Variants in GALNTL6 observed in about 807,000 individuals in gnomAD.
GALNTL6 encodes the protein polypeptide N-acetylgalactosaminyltransferase like 6.
A neutral mutation model predicts 73.7 loss-of-function variants in GALNTL6; 46 were observed. The observed-to-expected ratio is 0.62, with a 90% CI of 0.49 to 0.80. The LOEUF (loss-of-function observed/expected upper bound fraction) is 0.80, where lower values mean the gene tolerates loss of function less well. Ranked by LOEUF, GALNTL6 falls within the 30% of genes least tolerant of loss-of-function variation. GALNTL6 has a pLI of 0.00. For synonymous variants in GALNTL6, 259 were observed against 263.7 expected (o/e 0.98, Z 0.17); for missense variants, 604 against 755.0 (o/e 0.80, Z 2.34).
At chr4:172,215,636 T>C (rs866662117) in intron 2 of GALNTL6, among the ~76,000 whole-genome samples, 5 of 152,226 alleles carry the variant, frequency 3.3e-5, no homozygotes, top group South Asian at 2.1e-4. Context: ...GTAAATAAAG[T>C]TTAGTTGAGA....
In GALNTL6 at chr4:172,642,186, T is replaced by TA. The variant is rs541610913; in HGVS notation, c.554-167167dup. On this transcript the variant is annotated intron_variant, in intron 5 of 12. Transcript: ENST00000506823. ...GTATGAAGCTTCCTCAAAAAATTTT[T>TA]AAAAAAAACTATCATATGATCCAGC... 4.6e-3 allele frequency among the ~76,000 whole-genome samples: 704 copies of TA among 151,812 alleles called. 6 individuals carry two copies. Among genetic ancestry groups the TA allele is most frequent in the African/African-American group, 0.016 (653 of 41,440 alleles).
At chr4:171,926,957 C>A (rs1392340376) in intron 2 of GALNTL6, among the ~76,000 whole-genome samples, 4 of 151,692 alleles carry the variant, frequency 2.6e-5, no homozygotes, top group African/African-American at 9.7e-5. Context: ...TAAAGATCTC[C>A]TTTGTTGATG....
chr4:172,068,833 A>G (rs13133832), intron 2 of GALNTL6, among the ~76,000 whole-genome samples: 79,685 of 102,378 alleles, frequency 0.78, 36,395 homozygotes, highest in South Asian at 0.89. Context: ...TGTAGAGCTC[A>G]TTGAAGTCTT....
At chr4:172,658,075 G>A (rs1256008833) in intron 5 of GALNTL6, among the ~76,000 whole-genome samples, 16 of 130,258 alleles carry the variant, frequency 1.2e-4, no homozygotes, top group African/African-American at 2.6e-4. Context: ...GCGTGAACCC[G>A]GGAGGCGGAG....
chr4:172,221,443 A>G (rs9997484), intron 2 of GALNTL6, among the ~76,000 whole-genome samples: 61,423 of 151,436 alleles, frequency 0.41, 12,712 homozygotes, highest in African/African-American at 0.45. Flanking sequence ...ACCATCAACA[A>G]GGGGATGGAT....
chr4:172,616,343 C>A (rs1202090554), intron 5 of GALNTL6, among the ~76,000 whole-genome samples: 1 of 151,974 alleles, frequency 6.6e-6, no homozygotes, highest in Admixed American at 6.6e-5. Flanking sequence ...TTATTTGGTC[C>A]TAACTGACTT....
chr4:172,874,012 CA>C (rs1386101478), intron 7 of GALNTL6, among the ~76,000 whole-genome samples: 1 of 152,182 alleles, frequency 6.6e-6, no homozygotes, highest in African/African-American at 2.4e-5. Context: ...AAGAAACTGT[CA>C]AATGTGTATT....
intron 2 of GALNTL6, among the ~76,000 whole-genome samples, chr4:171,937,619 T>A (rs1485669933): frequency 6.6e-6 from 1 of 152,176 alleles, no homozygotes; most frequent in African/African-American, 2.4e-5. Flanking sequence ...CATTCCTTAC[T>A]TTATTCAGCT....
intron 5 of GALNTL6, among the ~76,000 whole-genome samples, chr4:172,361,759 A>C (rs2111240677): frequency 6.6e-6 from 1 of 152,270 alleles, no homozygotes; most frequent in East Asian, 1.9e-4. Context: ...CCAATGACAC[A>C]ATTTACAGGA....
intron 2 of GALNTL6, among the ~76,000 whole-genome samples, chr4:171,836,853 T>A (rs1735107410): frequency 6.6e-6 from 1 of 152,156 alleles, no homozygotes; most frequent in Non-Finnish European, 1.5e-5. Flanking sequence ...AAGTTTCTCT[T>A]CATTATAGAA....
intron 2 of GALNTL6, among the ~76,000 whole-genome samples, chr4:171,965,566 G>A (rs991480316): frequency 1.3e-5 from 2 of 150,126 alleles, no homozygotes; most frequent in East Asian, 2.0e-4. Context: ...TGAGGCAGGA[G>A]AATGGCATGA....
At chr4:172,102,515 T>C (rs1732547096) in intron 2 of GALNTL6, among the ~76,000 whole-genome samples, 1 of 151,942 alleles carries the variant, frequency 6.6e-6, no homozygotes, top group African/African-American at 2.4e-5. Context: ...TTACTGAGAG[T>C]AGTTGGCTCA....
intron 2 of GALNTL6, among the ~76,000 whole-genome samples, chr4:171,850,701 A>G (rs1735501512): frequency 6.6e-6 from 1 of 152,188 alleles, no homozygotes; most frequent in African/African-American, 2.4e-5. Flanking sequence ...AATGCTGGTT[A>G]GTTGTGTCTA....
intron 2 of GALNTL6, among the ~76,000 whole-genome samples, chr4:171,938,847 G>C (rs1271066720): frequency 6.6e-6 from 1 of 152,080 alleles, no homozygotes; most frequent in Non-Finnish European, 1.5e-5. Flanking sequence ...GAAAATCCAT[G>C]GCTTATGGGT....
At chr4:171,984,472 T>C (rs1740005331) in intron 2 of GALNTL6, among the ~76,000 whole-genome samples, 1 of 151,766 alleles carries the variant, frequency 6.6e-6, no homozygotes, top group South Asian at 2.1e-4. Context: ...TCAGAAAGGG[T>C]TGTAGAGGTG....
intron 3 of GALNTL6, among the ~76,000 whole-genome samples, chr4:172,283,035 T>C (rs987372104): frequency 3.3e-5 from 5 of 152,200 alleles, no homozygotes; most frequent in East Asian, 1.9e-4. Flanking sequence ...CCATGCATCA[T>C]TGGGATCTGG....
At chr4:172,918,115 C>T (rs1747619394) in intron 8 of GALNTL6, among the ~76,000 whole-genome samples, 1 of 152,130 alleles carries the variant, frequency 6.6e-6, no homozygotes. Flanking sequence ...TGGAAACCAT[C>T]ATTCTGAGCA....
At chr4:172,255,485 G>T (rs558358860) in intron 3 of GALNTL6, among the ~76,000 whole-genome samples, 6 of 151,392 alleles carry the variant, frequency 4.0e-5, no homozygotes, top group Admixed American at 2.0e-4. Flanking sequence ...CACAAGTTGG[G>T]CCTTTACTCC....
intron 2 of GALNTL6, among the ~76,000 whole-genome samples, chr4:172,131,902 A>G (rs562244849): frequency 1.7e-4 from 26 of 152,142 alleles, no homozygotes; most frequent in Middle Eastern, 3.4e-3. Context: ...ATGGATAAGT[A>G]CTGTTCTTCT....
Sources: gnomAD v4.1 joint callset for allele counts (sites outside exome capture counted in the v4.1 genomes callset) on GRCh38, gnomAD v4.1.1 for gene constraint, MANE v1.5 for transcripts, NCBI Gene and HGNC (gene_info 2026-07-23, HGNC 2026-07-21) for gene names.